DENND1A: variants seen among roughly 807,000 people sequenced by gnomAD.
DENND1A encodes DENN domain containing 1A.
A neutral mutation model predicts 113.7 loss-of-function variants in DENND1A; 51 were observed. The observed-to-expected ratio is 0.45, with a 90% confidence interval of 0.36 to 0.57. The LOEUF (loss-of-function observed/expected upper bound fraction) is 0.57. Among genes scored for constraint, DENND1A ranks in the 20% least tolerant of loss-of-function variants. The pLI, the probability that DENND1A is intolerant of heterozygous loss-of-function variation, is 0.00. For missense variants in DENND1A, 1,258 were observed against 1,395.9 expected (o/e 0.90, Z 1.57); for synonymous variants, 565 against 570.8 (o/e 0.99, Z 0.14).
Position 123,754,728 on chromosome 9 carries a change from A to T in DENND1A, c.302+2975T>A, listed in dbSNP as rs183644283. On this transcript the variant is annotated intron_variant, in intron 5 of 23. Transcript: ENST00000394215. ...CTCCATAGTTCTAACCTACTATAACAGATTTAAAAAACACATCAATTGCTG... is the reference window on the plus strand; with the variant it reads ...CTCCATAGTTCTAACCTACTATAACTGATTTAAAAAACACATCAATTGCTG... Among the ~76,000 whole-genome samples, 22 of 152,348 alleles carry T rather than the reference A, an allele frequency of 1.4e-4. No individual in the cohort carries two copies. The East Asian group carries it at 3.3e-3, about 23-fold the overall frequency.
At chr9:123,711,487 A>AATATATATATATATGTATATATG (rs1564997543) in intron 5 of DENND1A, among the ~76,000 whole-genome samples, 1,944 of 62,836 alleles carry the variant, frequency 0.031, 129 homozygotes, top group Admixed American at 0.043. Flanking sequence ...AAATTAAAAA[A>AATATATATATATATGTATATATG]TATATATATA....
intron 5 of DENND1A, among the ~76,000 whole-genome samples, chr9:123,728,506 A>ACAAAAAAAAAAAAAAAAAAAC (rs1396086030): frequency 6.9e-5 from 10 of 145,810 alleles, no homozygotes; most frequent in African/African-American, 2.2e-4. Context: ...AAAAAAAAAA[A>ACAAAAAAAAAAAAAAAAAAAC]AAAACAGGCA....
rs1207932916 is a variant in DENND1A at position 123,454,740 on chromosome 9, C to T, written c.1226G>A (p.Arg409Gln). The T allele has an allele frequency of 3.2e-6, 5 of 1,554,436 alleles. No homozygotes were observed. Among genetic ancestry groups the T allele is most frequent in the African/African-American group, 2.7e-5 (2 of 73,102 alleles). ...GCTCTGAATTGGGTGCATGCTTACC[C>T]GGACAGTGGAGAGCCACTGATGGTA... Reference protein sequence around the residue: ...KLYHQWLSTVRKGSGAILNTV... With the variant: ...KLYHQWLSTVQKGSGAILNTV... Residue 409 changes from arginine (R) to glutamine (Q), a missense_variant and splice_region_variant, in exon 16 of 24, where the codon CGG (arginine) becomes CAG (glutamine). Transcript: ENST00000394215.
chr9:123,406,524 G>C (rs2043865998), intron 20 of DENND1A, among the ~76,000 whole-genome samples: 1 of 152,240 alleles, frequency 6.6e-6, no homozygotes, highest in African/African-American at 2.4e-5. Context: ...TGCCTGGTAT[G>C]TCATGGTTGC....
At chr9:123,703,110 T>C (rs564468172) in intron 5 of DENND1A, among the ~76,000 whole-genome samples, 4 of 152,246 alleles carry the variant, frequency 2.6e-5, no homozygotes, top group Middle Eastern at 3.4e-3. Flanking sequence ...GCCACCCAAG[T>C]AGCTGGGACC....
chr9:123,637,703 G>C (rs1026825253), intron 9 of DENND1A, among the ~76,000 whole-genome samples: 1 of 152,112 alleles, frequency 6.6e-6, no homozygotes. Flanking sequence ...AGAAATCAAA[G>C]AACCTTCAGC....
At chr9:123,452,179 G>A (rs1189775453) in intron 17 of DENND1A, 97 bp downstream of exon 17, 12 of 1,199,806 alleles carry the variant, frequency 1.0e-5, no homozygotes, top group African/African-American at 1.5e-5. Context: ...GGGCAACAGA[G>A]CAAGACCCAG....
chr9:123,886,874 T>G (rs1464191308), intron 1 of DENND1A, among the ~76,000 whole-genome samples: 1 of 152,204 alleles, frequency 6.6e-6, no homozygotes, highest in Admixed American at 6.5e-5. Context: ...TCATTTCTAA[T>G]AATGTTCTCA....
chr9:123,538,193 C>G (rs1288775841), intron 13 of DENND1A, among the ~76,000 whole-genome samples: 1 of 152,154 alleles, frequency 6.6e-6, no homozygotes, highest in East Asian at 1.9e-4. Flanking sequence ...ATTATTCCTT[C>G]TGCCCTTGAG....
chr9:123,487,209 C>T (rs996975901), intron 13 of DENND1A, among the ~76,000 whole-genome samples: 6 of 152,182 alleles, frequency 3.9e-5, no homozygotes, highest in Non-Finnish European at 7.3e-5. Flanking sequence ...AAGACAAGTC[C>T]GGGATGTCTC....
chr9:123,526,412 A>G (rs536931288), intron 13 of DENND1A, among the ~76,000 whole-genome samples: 2 of 152,288 alleles, frequency 1.3e-5, no homozygotes, highest in South Asian at 4.1e-4. Context: ...CTCTCTCATC[A>G]GCATTTCCAT....
At chr9:123,722,209 T>C (rs916083072) in intron 5 of DENND1A, among the ~76,000 whole-genome samples, 27 of 152,328 alleles carry the variant, frequency 1.8e-4, no homozygotes, top group African/African-American at 5.1e-4. Flanking sequence ...TGTGGAACTT[T>C]GTACTTGAGA....
chr9:123,682,020 A>G (rs1446419464), intron 5 of DENND1A, among the ~76,000 whole-genome samples: 1 of 152,214 alleles, frequency 6.6e-6, no homozygotes, highest in Non-Finnish European at 1.5e-5. Context: ...TCTGCATGAC[A>G]GGCAGAAGAA....
At chr9:123,515,367 G>A (rs1402659993) in intron 13 of DENND1A, among the ~76,000 whole-genome samples, 1 of 152,198 alleles carries the variant, frequency 6.6e-6, no homozygotes, top group Non-Finnish European at 1.5e-5. Flanking sequence ...GATTAGGATA[G>A]AGAATGTCCT....
At chr9:123,741,307 A>G (rs963245769) in intron 5 of DENND1A, among the ~76,000 whole-genome samples, 5 of 152,226 alleles carry the variant, frequency 3.3e-5, no homozygotes, top group African/African-American at 1.2e-4. Context: ...TTAAAGTGGA[A>G]AGAGATATGA....
At chr9:123,875,071 T>C (rs536869177) in intron 2 of DENND1A, among the ~76,000 whole-genome samples, 1 of 152,310 alleles carries the variant, frequency 6.6e-6, no homozygotes, top group Admixed American at 6.5e-5. Flanking sequence ...TGACTGCAGT[T>C]ACACACAACA....
chr9:123,760,961 T>C (rs934763525), intron 4 of DENND1A, among the ~76,000 whole-genome samples: 1 of 152,216 alleles, frequency 6.6e-6, no homozygotes, highest in African/African-American at 2.4e-5. Flanking sequence ...GGTTTTGATT[T>C]CACTTCTAGA....
chr9:123,582,567 T>G lies in DENND1A; in HGVS notation c.867+602A>C, dbSNP rs1589229613. Reference sequence around the variant, plus strand: ...GGCACATGCCACCATGCTCAGTTAATTTTTTGTATTTTTAGTAGAGACTGT... The same window carrying G: ...GGCACATGCCACCATGCTCAGTTAAGTTTTTGTATTTTTAGTAGAGACTGT... On this transcript the variant is annotated intron_variant, in intron 12 of 23. Coordinates refer to ENST00000394215, the MANE Select transcript of DENND1A (RefSeq NM_001352964.2). 2.0e-5 allele frequency among the ~76,000 whole-genome samples: 3 copies of G among 151,832 alleles called. No homozygotes were observed. The South Asian group carries it at 6.3e-4, about 32-fold the overall frequency.
chr9:123,841,359 A>T (rs1841804003), intron 2 of DENND1A, among the ~76,000 whole-genome samples: 1 of 152,232 alleles, frequency 6.6e-6, no homozygotes, highest in Non-Finnish European at 1.5e-5. Flanking sequence ...ATGTTAAGAG[A>T]TCATCAAAAT....
Sources: gnomAD v4.1 joint callset for allele counts (sites outside exome capture counted in the v4.1 genomes callset) on GRCh38, gnomAD v4.1.1 for gene constraint, MANE v1.5 for transcripts, NCBI Gene and HGNC (gene_info 2026-07-23, HGNC 2026-07-21) for gene names.